Variants in COL6A1 observed in about 807,000 individuals in gnomAD.
COL6A1 encodes the protein collagen alpha-1(VI) chain.
COL6A1 carries 80 observed loss-of-function variants against 145.6 expected under a neutral mutation model. The ratio of observed to expected loss-of-function variants is 0.55; its 90% CI spans 0.46 to 0.66. The LOEUF is 0.66. Among genes scored for constraint, COL6A1 ranks in the 30% least tolerant of loss-of-function variants. COL6A1 has a pLI of 0.00. For synonymous variants in COL6A1, 638 were observed against 622.8 expected (o/e 1.02, Z -0.36); for missense variants, 1,364 against 1,473.8 (o/e 0.93, Z 1.22).
chr21:45,991,881 G>A (rs2077778751), intron 15 of COL6A1, 129 bp from the exon 16 acceptor site: 1 of 881,278 alleles, frequency 1.1e-6, no homozygotes, highest in African/African-American at 1.7e-5. Context: ...TGGGGGGTCT[G>A]GGCTCAGACA....
rs766184155 is a variant in COL6A1, at chr21:45,986,645, G to A, written c.548G>A (p.Gly183Asp). The change falls in exon 4 of 35, where the codon GGC becomes GAC. Residue 183 changes from glycine to aspartate, a missense_variant. Coordinates refer to ENST00000361866, the MANE Select transcript of COL6A1 (RefSeq NM_001848.3). Reference protein sequence around the residue: ...EDAVNEAKHLGVKVFSVAITP... With the variant: ...EDAVNEAKHLDVKVFSVAITP... ...GCTGTGAACGAGGCCAAGCACCTGG[G>A]CGTCAAAGTCTTCTCGGTGGCCATC... 1.0e-4 allele frequency: 155 copies of A among 1,551,768 alleles called. No homozygotes were observed. Among genetic ancestry groups the A allele is most frequent in the Non-Finnish European group, 5.2e-6 (6 of 1,147,916 alleles).
At chr21:45,990,185 G>A (rs1382151602) in intron 11 of COL6A1, 73 bp from the exon 12 acceptor site, 10 of 1,585,614 alleles carry the variant, frequency 6.3e-6, no homozygotes, top group East Asian at 2.2e-5. Flanking sequence ...CCTGCCTCGC[G>A]TGGGCCTAAG....
chr21:45,986,568 C>T lies in COL6A1; in HGVS notation c.471C>T (p.Thr157=), dbSNP rs376650683. 17 of 1,565,504 alleles carry T rather than the reference C, an allele frequency of 1.1e-5. No homozygotes were observed. Among genetic ancestry groups the T allele is most frequent in the African/African-American group, 2.7e-5 (2 of 73,732 alleles). ...LKENKYLIVV[T]DGHPLEGYKE... ...AGAATAAGTACCTGATTGTGGTGAC[C>T]GACGGGCACCCCCTGGAGGGCTACA... Residue 157 remains threonine (T), a synonymous_variant, in exon 4 of 35, where the codon ACC becomes ACT. Coordinates refer to ENST00000361866, the MANE Select transcript of COL6A1 (RefSeq NM_001848.3).
At position 46,003,563 on chromosome 21, in the gene COL6A1, C is replaced by T. The variant is rs540554122; in HGVS notation, c.2637C>T (p.Ser879=). Reference sequence around the variant, plus strand: ...TGCGGGTGGCGGTGGTGCAGTACAGCGGCACGGGCCAGCAGCGCCCAGAGC... The same window carrying T: ...TGCGGGTGGCGGTGGTGCAGTACAGTGGCACGGGCCAGCAGCGCCCAGAGC... ...HDVRVAVVQY[S]GTGQQRPERA... Residue 879 remains serine, a synonymous_variant, in exon 35 of 35, where the codon AGC becomes AGT. Transcript: ENST00000361866. The T allele has an allele frequency of 9.0e-5, 145 of 1,612,586 alleles. 1 individual carries two copies. In the South Asian group the frequency reaches 1.3e-3, roughly 14 times the overall value.
intron 31 of COL6A1, 40 bp from the exon 32 acceptor site, chr21:46,002,178 G>T (rs754304062): frequency 1.1e-5 from 17 of 1,575,944 alleles, no homozygotes; most frequent in African/African-American, 1.3e-5. Flanking sequence ...CCCGCGGCAG[G>T]CCTGGCCCCA....
chr21:46,004,085 T>C lies in COL6A1; in HGVS notation c.*72T>C. ...ACTCATCACTAAACAGAGTAAAATG[T>C]GATGCGAATTTTCCCGACCAACCTG... On this transcript the variant is annotated 3_prime_UTR_variant, in exon 35 of 35. Transcript: ENST00000361866. The C allele has an allele frequency of 6.4e-7, 1 of 1,569,850 alleles. No homozygotes were observed. Among genetic ancestry groups the C allele is most frequent in the African/African-American group, 1.4e-5 (1 of 73,804 alleles).
chr21:45,989,515 G>A, intron 9 of COL6A1, 93 bp from the exon 10 acceptor site: 1 of 1,326,122 alleles, frequency 7.5e-7, no homozygotes, highest in Non-Finnish European at 1.1e-6. Context: ...GCCTGACCAG[G>A]CCTGGGCTGG....
At chr21:45,990,351 T>G (rs769108362) in intron 12 of COL6A1, 27 bp from the exon 13 acceptor site, 4 of 1,606,746 alleles carry the variant, frequency 2.5e-6, no homozygotes, top group Non-Finnish European at 3.4e-6. Context: ...TGCATCTGAC[T>G]CCTGCCTTCG....
Position 46,004,380 on chromosome 21 carries a change from C to T in COL6A1, c.*367C>T. 1 of 379,690 alleles carries T rather than the reference C, an allele frequency of 2.6e-6. No homozygotes were observed. Among genetic ancestry groups the T allele is most frequent in the South Asian group, 2.6e-5 (1 of 38,916 alleles). The allele number at this position is 379,690 out of a possible 1,614,324, so 23.5% of individuals were successfully genotyped here. A position where few individuals can be genotyped will look rare whatever the true frequency, so the allele number is the denominator to read the frequency against. On this transcript the variant is annotated 3_prime_UTR_variant, in exon 35 of 35. Coordinates refer to ENST00000361866, the MANE Select transcript of COL6A1 (RefSeq NM_001848.3). ...CGGGCTCTCCTGCCCTGCCCTCCTG[C>T]CCGCCCTCCCTCCTGCCTGCGCAGC...
intron 28 of COL6A1, among the ~76,000 whole-genome samples, 174 bp from the exon 29 acceptor site, chr21:46,000,585 G>T (rs965539849): frequency 6.6e-6 from 1 of 151,880 alleles, no homozygotes; most frequent in Non-Finnish European, 1.5e-5. Flanking sequence ...GAGCTGCCAC[G>T]TGGGGAGGGC....
Position 45,992,805 on chromosome 21 carries a change from G to T in COL6A1, c.1330G>T (p.Asp444Tyr). ...CCCAGGCACGCGGGGACCAAGAGGA[G>T]ACCCTGTGAGTCACAGTTCCTGGAG... The part of the protein sequence containing the change: ...GTPGTRGPRG[D>Y]PGEAGPQGDQ... Residue 444 changes from aspartate to tyrosine, a missense_variant, in exon 19 of 35, where the codon GAC (aspartate) becomes TAC (tyrosine). Around this residue, in one of 3 missense-constraint regions of COL6A1, gnomAD observed 938 missense variants for 1,003.8 expected, o/e 0.93. Transcript: ENST00000361866. The T allele has an allele frequency of 6.3e-7, 1 of 1,597,564 alleles. No homozygotes were observed. Among genetic ancestry groups the T allele is most frequent in the Non-Finnish European group, 8.5e-7 (1 of 1,172,544 alleles).
intron 8 of COL6A1, 75 bp downstream of exon 8, chr21:45,987,729 G>A (rs1199164463): frequency 2.0e-6 from 3 of 1,510,850 alleles, no homozygotes; most frequent in African/African-American, 1.4e-5. Flanking sequence ...AGCCTCCTGG[G>A]CACCCAAGTC....
chr21:45,990,993 C>T lies in COL6A1; in HGVS notation c.1071C>T (p.Pro357=), dbSNP rs1280281069. The change falls in exon 15 of 35, where the codon CCC becomes CCT. Residue 357 remains proline (P), a synonymous_variant. Transcript: ENST00000361866. The part of the protein sequence containing the change: ...GSPGFDGIQG[P]PGPKGDPGAF... The stretch of plus-strand genomic sequence containing the variant: ...CTTTTCTCCAGGGCATTCAAGGACC[C>T]CCTGGCCCCAAGGGAGACCCCGGTG... 4.4e-5 allele frequency: 71 copies of T among 1,613,428 alleles called. No homozygotes were observed. The highest frequency in any genetic ancestry group is 5.8e-5 in the Non-Finnish European group (69 of 1,179,928).
chr21:46,003,516 A>T lies in COL6A1; in HGVS notation c.2590A>T (p.Arg864Trp). Residue 864 changes from arginine to tryptophan, a missense_variant, in exon 35 of 35, where the codon AGG (arginine) becomes TGG (tryptophan). Arg to Trp is a moderately radical substitution (Grantham distance 101). Around this residue, in one of 3 missense-constraint regions of COL6A1, gnomAD observed 938 missense variants for 1,003.8 expected, o/e 0.93. Transcript: ENST00000361866. ...RLAERFLTAG[R>W]TDPAHDVRVA... Reference sequence around the variant, plus strand: ...GGCCGAGCGCTTCCTCACAGCGGGCAGGACGGACCCCGCCCACGACGTGCG... The same window carrying T: ...GGCCGAGCGCTTCCTCACAGCGGGCTGGACGGACCCCGCCCACGACGTGCG... The T allele has an allele frequency of 6.2e-7, 1 of 1,611,646 alleles. No homozygotes were observed. Among genetic ancestry groups the T allele is most frequent in the South Asian group, 1.1e-5 (1 of 91,004 alleles).
At position 45,984,330 on chromosome 21, in the gene COL6A1, G is replaced by T; in HGVS notation, c.289G>T (p.Val97Leu). Reference sequence around the variant, plus strand: ...AGGCGCGCTGCACTACAGTGACGAGGTGGAGATCATCCAAGGCCTCACGCG... The same window carrying T: ...AGGCGCGCTGCACTACAGTGACGAGTTGGAGATCATCCAAGGCCTCACGCG... ...NAGALHYSDE[V>L]EIIQGLTRMP... is the part of the protein sequence containing the mutation. The change falls in exon 3 of 35, where the codon GTG becomes TTG. Residue 97 changes from valine (V) to leucine (L), a missense_variant. By Grantham distance (32) the Val-to-Leu change is conservative. Around this residue, in one of 3 missense-constraint regions of COL6A1, gnomAD observed 414 missense variants for 437.6 expected, o/e 0.95. Transcript: ENST00000361866. 6.2e-7 allele frequency: 1 copy of T among 1,612,398 alleles called. No individual in the cohort carries two copies. The highest frequency in any genetic ancestry group is 1.1e-5 in the South Asian group (1 of 91,026).
In COL6A1 at chr21:46,003,690, T is replaced by C. The variant is rs1186704989; in HGVS notation, c.2764T>C (p.Tyr922His). The C allele has an allele frequency of 1.2e-6, 2 of 1,613,084 alleles. No homozygotes were observed. The highest frequency in any genetic ancestry group is 1.7e-6 in the Non-Finnish European group (2 of 1,179,936). ...CACCGACGTCAACGATGCCCTGGGCTATGTGACCCGCTTCTACCGCGAGGC... is the reference window on the plus strand; with the variant it reads ...CACCGACGTCAACGATGCCCTGGGCCATGTGACCCGCTTCTACCGCGAGGC... The part of the protein sequence containing the change: ...DATDVNDALG[Y>H]VTRFYREASS... Residue 922 changes from tyrosine (Y) to histidine (H), a missense_variant, in exon 35 of 35, where the codon TAT becomes CAT. Tyr to His is a moderately conservative substitution (Grantham distance 83). Coordinates refer to ENST00000361866, the MANE Select transcript of COL6A1 (RefSeq NM_001848.3).
chr21:45,990,924 G>C, intron 14 of COL6A1, 55 bp from the exon 15 acceptor site: 1 of 1,611,318 alleles, frequency 6.2e-7, no homozygotes, highest in Non-Finnish European at 8.5e-7. Flanking sequence ...TGGGGCTGCT[G>C]CCAGAGGCCG....
At chr21:45,987,702 G>C (rs764958550) in intron 8 of COL6A1, 48 bp downstream of exon 8, 3 of 1,572,822 alleles carry the variant, frequency 1.9e-6, no homozygotes, top group Non-Finnish European at 2.6e-6. Flanking sequence ...GCCTGGGAGT[G>C]GGGGTGGCAG....
In COL6A1 at chr21:46,001,340, T is replaced by G; in HGVS notation, c.1910T>G (p.Phe637Cys). ...CAGAACTTCGAGATTGCCAAGGACT[T>G]CGTCGTCAAGGTCATCGACCGGCTG... ...GLQNFEIAKD[F>C]VVKVIDRLSR... Residue 637 changes from phenylalanine (F) to cysteine (C), a missense_variant, in exon 30 of 35, where the codon TTC becomes TGC. Phe to Cys is a radical substitution (Grantham distance 205, BLOSUM62 -2). Transcript: ENST00000361866. 1 of 1,612,876 alleles carries G rather than the reference T, an allele frequency of 6.2e-7. No individual in the cohort carries two copies.
Sources: gnomAD v4.1 joint callset for allele counts (sites outside exome capture counted in the v4.1 genomes callset) on GRCh38, gnomAD v4.1.1 for gene constraint, gnomAD v4.1.1 regional missense constraint, MANE v1.5 for transcripts, NCBI Gene and HGNC (gene_info 2026-07-23, HGNC 2026-07-21) for gene names.